Variants in CAMTA1 observed in about 807,000 individuals in gnomAD.
The protein encoded by CAMTA1 is calmodulin-binding transcription activator 1.
CAMTA1 carries 27 observed loss-of-function variants against 170.9 expected under a neutral mutation model. The observed-to-expected ratio is 0.16, with a 90% confidence interval of 0.12 to 0.22. The LOEUF is 0.22. Among genes scored for constraint, CAMTA1 ranks in the 10% least tolerant of loss-of-function variants. The pLI is 1.00. For missense variants in CAMTA1, 1,619 were observed against 2,217.2 expected (o/e 0.73, Z 5.42); for synonymous variants, 833 against 891.5 (o/e 0.93, Z 1.17).
rs755944218 is a variant in CAMTA1, at chr1:7,664,451, T to G, written c.1904T>G (p.Leu635Arg). The stretch of plus-strand genomic sequence containing the variant: ...GTCGAGCAGAACACCCACAGCAGCC[T>G]GAGTGACTCTGGGGGCACCTTCGTG... ...LPVEQNTHSS[L>R]SDSGGTFVMP... is the part of the protein sequence containing the mutation. Residue 635 changes from leucine (L) to arginine (R), a missense_variant, in exon 9 of 23, where the codon CTG becomes CGG. By Grantham distance (102) the Leu-to-Arg change is moderately radical. This residue lies in a region of CAMTA1 where 731 missense variants were observed against 907.6 expected (regional missense o/e 0.81). Coordinates refer to ENST00000303635, the MANE Select transcript of CAMTA1 (RefSeq NM_015215.4). 6.2e-7 allele frequency: 1 copy of G among 1,613,432 alleles called. No individual in the cohort carries two copies. Among genetic ancestry groups the G allele is most frequent in the South Asian group, 1.1e-5 (1 of 91,082 alleles).
At chr1:7,499,224 T>C (rs2093917204) in intron 6 of CAMTA1, among the ~76,000 whole-genome samples, 1 of 134,550 alleles carries the variant, frequency 7.4e-6, no homozygotes, top group Non-Finnish European at 1.6e-5. Flanking sequence ...CATGTGTATG[T>C]ATATGAGTGT....
chr1:7,657,653 T>C (rs2095916125), intron 7 of CAMTA1, among the ~76,000 whole-genome samples: 1 of 152,194 alleles, frequency 6.6e-6, no homozygotes, highest in Admixed American at 6.5e-5. Flanking sequence ...CCCTTCCCAC[T>C]GATTCATTCC....
At chr1:7,105,606 AG>A (rs777630793) in intron 4 of CAMTA1, among the ~76,000 whole-genome samples, 3 of 152,212 alleles carry the variant, frequency 2.0e-5, no homozygotes, top group Non-Finnish European at 4.4e-5. Flanking sequence ...CATACATCCC[AG>A]GGAAGGAATG....
At chr1:7,601,188 G>T (rs543719616) in intron 6 of CAMTA1, among the ~76,000 whole-genome samples, 46 of 121,170 alleles carry the variant, frequency 3.8e-4, no homozygotes, top group Non-Finnish European at 7.8e-4. Flanking sequence ...CCCGGACGGG[G>T]TGGCTGCTGG....
At chr1:7,275,074 G>A (rs757696414) in intron 5 of CAMTA1, among the ~76,000 whole-genome samples, 11 of 148,868 alleles carry the variant, frequency 7.4e-5, no homozygotes, top group African/African-American at 1.7e-4. Flanking sequence ...CCCAGGAGGC[G>A]GAGGTTGCAG....
At chr1:6,926,478 TTCTTTC>T (rs1339252369) in intron 3 of CAMTA1, among the ~76,000 whole-genome samples, 1 of 124,226 alleles carries the variant, frequency 8.0e-6, no homozygotes, top group Non-Finnish European at 1.7e-5. Flanking sequence ...CTTTCTTTCT[TTCTTTC>T]TTTCTCTCTC....
At position 7,609,590 on chromosome 1, in the gene CAMTA1, G is replaced by A. The variant is rs1050560490; in HGVS notation, c.511-30810G>A. Among the ~76,000 whole-genome samples the A allele has an allele frequency of 1.3e-5, 2 of 152,200 alleles. No homozygotes were observed. The highest frequency in any genetic ancestry group is 1.3e-4 in the Admixed American group (2 of 15,286). ...AGTGAGCCAGCCTCAGCCAGGCCAT[G>A]GCACAAAAGGGGAGGGGAGCAGGGT... On this transcript the variant is annotated intron_variant, in intron 6 of 22. Transcript: ENST00000303635. The surrounding 1 kb of genome is among the most constrained non-coding windows in gnomAD (Gnocchi z 4.4).
chr1:7,274,395 C>T (rs1433234511), intron 5 of CAMTA1, among the ~76,000 whole-genome samples: 1 of 152,120 alleles, frequency 6.6e-6, no homozygotes, highest in Non-Finnish European at 1.5e-5. Context: ...AGGGTCAGTC[C>T]GTTAGGAAAA....
intron 4 of CAMTA1, among the ~76,000 whole-genome samples, chr1:7,104,498 C>A (rs1198951858): frequency 1.3e-5 from 2 of 152,186 alleles, no homozygotes; most frequent in African/African-American, 4.8e-5. Context: ...GGAGTCTGAC[C>A]TTCTGAGTGT....
rs925035437 is a variant in CAMTA1, at chr1:7,299,695, C to T, written c.438+50069C>T. The stretch of plus-strand genomic sequence containing the variant: ...CAGAGACACACGCCCAATCAGTGCC[C>T]TGTACAAGCAGGGACTGTGGGTGAG... On this transcript the variant is annotated intron_variant, in intron 5 of 22. Coordinates refer to ENST00000303635, the MANE Select transcript of CAMTA1 (RefSeq NM_015215.4). The surrounding 1 kb of genome is among the most constrained non-coding windows in gnomAD (Gnocchi z 4.7). 2.6e-5 allele frequency among the ~76,000 whole-genome samples: 4 copies of T among 152,190 alleles called. No individual in the cohort carries two copies. In the South Asian group the frequency reaches 8.3e-4, roughly 32 times the overall value.
At chr1:6,914,089 G>A (rs904558841) in intron 3 of CAMTA1, among the ~76,000 whole-genome samples, 1 of 149,476 alleles carries the variant, frequency 6.7e-6, no homozygotes, top group African/African-American at 2.5e-5. Flanking sequence ...TTGCAAAAAG[G>A]CAGGGCTCAT....
intron 5 of CAMTA1, among the ~76,000 whole-genome samples, chr1:7,408,848 C>G (rs891237965): frequency 1.3e-5 from 2 of 152,210 alleles, no homozygotes; most frequent in African/African-American, 4.8e-5. Context: ...TCATTGGCAG[C>G]AGGGCCCACG....
Position 7,570,477 on chromosome 1 carries a change from C to T in CAMTA1, c.511-69923C>T, listed in dbSNP as rs566247746. ...GCCAAGGGCTGGCCCAGGATGTCGG[C>T]AGTCACCAGCAGGAGTTTGGCTGCA... On this transcript the variant is annotated intron_variant, in intron 6 of 22. Transcript: ENST00000303635. This position sits in a 1 kb window ranked among gnomAD's most constrained non-coding sequence, Gnocchi z 4.3. 1.3e-5 allele frequency among the ~76,000 whole-genome samples: 2 copies of T among 152,250 alleles called. No homozygotes were observed. Among genetic ancestry groups the T allele is most frequent in the Non-Finnish European group, 2.9e-5 (2 of 68,044 alleles).
chr1:7,271,276 C>T (rs1357393569), intron 5 of CAMTA1, among the ~76,000 whole-genome samples: 1 of 152,126 alleles, frequency 6.6e-6, no homozygotes, highest in Non-Finnish European at 1.5e-5. Context: ...AAGCTCGCCA[C>T]CTACAAGCCG....
intron 3 of CAMTA1, among the ~76,000 whole-genome samples, chr1:7,034,802 G>A (rs1703345079): frequency 3.3e-5 from 5 of 152,050 alleles, no homozygotes; most frequent in African/African-American, 1.2e-4. Context: ...AAATGTTGTC[G>A]TTTTTTAGTT....
At chr1:6,953,816 G>A (rs1395610508) in intron 3 of CAMTA1, among the ~76,000 whole-genome samples, 1 of 151,328 alleles carries the variant, frequency 6.6e-6, no homozygotes, top group African/African-American at 2.4e-5. Flanking sequence ...TACATAAAAT[G>A]GCTGAGCACG....
At chr1:6,818,850 A>G (rs1415261323) in intron 1 of CAMTA1, among the ~76,000 whole-genome samples, 1 of 151,450 alleles carries the variant, frequency 6.6e-6, no homozygotes, top group African/African-American at 2.4e-5. Context: ...CATGTTATCC[A>G]GGCTGGTCTT....
intron 6 of CAMTA1, among the ~76,000 whole-genome samples, chr1:7,555,665 C>A (rs539196363): frequency 6.6e-6 from 1 of 152,174 alleles, no homozygotes; most frequent in Non-Finnish European, 1.5e-5. Context: ...CCATGGGTGG[C>A]TCTGGTCACA....
chr1:7,648,355 G>A (rs577675748), intron 7 of CAMTA1, among the ~76,000 whole-genome samples: 1 of 151,292 alleles, frequency 6.6e-6, no homozygotes, highest in East Asian at 2.0e-4. Context: ...TCGTGCCATT[G>A]TGCTCCAGCC....
Sources: gnomAD v4.1 joint callset for allele counts (sites outside exome capture counted in the v4.1 genomes callset) on GRCh38, gnomAD v4.1.1 for gene constraint, gnomAD v4.1.1 regional missense constraint, Gnocchi (gnomAD v3.1) non-coding constraint, MANE v1.5 for transcripts, NCBI Gene and HGNC (gene_info 2026-07-23, HGNC 2026-07-21) for gene names.